The following CFAP77 variants were observed in gnomAD, a reference collection of about 807,000 sequenced individuals.
The protein encoded by CFAP77 is cilia- and flagella-associated protein 77.
Under a neutral mutation model 31.1 loss-of-function variants are expected in CFAP77, and 25 were observed. That is an observed-to-expected ratio of 0.80 (90% confidence interval 0.59 to 1.12). The LOEUF is 1.12. CFAP77 is among the 50% of genes most tolerant of loss of function. The probability of loss-of-function intolerance (pLI) is 0.00; values close to 1 mark genes in which losing one functional copy is unlikely to be tolerated. For missense variants in CFAP77, 377 were observed against 397.3 expected (o/e 0.95, Z 0.44); for synonymous variants, 151 against 159.9 (o/e 0.94, Z 0.42).
chr9:132,571,021 C>T (rs975750958), intron 5 of CFAP77, among the ~76,000 whole-genome samples: 2 of 152,280 alleles, frequency 1.3e-5, no homozygotes, highest in African/African-American at 2.4e-5. Context: ...TATCTTCCCT[C>T]TACCCCCTTT....
chr9:132,419,359 GTTGT>G (rs1338802444), intron 1 of CFAP77, among the ~76,000 whole-genome samples: 2 of 152,200 alleles, frequency 1.3e-5, no homozygotes, highest in Admixed American at 6.5e-5. Flanking sequence ...CAGGTGGCTG[GTTGT>G]TTGTAACCAA....
chr9:132,429,499 CCGCACT>C (rs1726904341), intron 1 of CFAP77, among the ~76,000 whole-genome samples: 1 of 145,006 alleles, frequency 6.9e-6, no homozygotes, highest in Admixed American at 7.0e-5. Context: ...GATCGCACCA[CCGCACT>C]CTAGCCCAGG....
intron 1 of CFAP77, among the ~76,000 whole-genome samples, chr9:132,477,437 A>G (rs1851368166): frequency 6.6e-6 from 1 of 152,184 alleles, no homozygotes; most frequent in Admixed American, 6.5e-5. Context: ...TGATGACCCA[A>G]ATTCATCAGT....
At chr9:132,531,203 G>A (rs1019017076) in intron 3 of CFAP77, among the ~76,000 whole-genome samples, 4 of 151,888 alleles carry the variant, frequency 2.6e-5, no homozygotes, top group African/African-American at 7.3e-5. Context: ...CTTCCCTCCC[G>A]CCATGTGTCC....
At chr9:132,430,293 G>A (rs1023976094) in intron 1 of CFAP77, among the ~76,000 whole-genome samples, 1 of 151,934 alleles carries the variant, frequency 6.6e-6, no homozygotes, top group Non-Finnish European at 1.5e-5. Flanking sequence ...TTGTGGGATG[G>A]GGGGAGAAAA....
At chr9:132,567,029 C>T (rs1829892788) in intron 5 of CFAP77, among the ~76,000 whole-genome samples, 1 of 152,240 alleles carries the variant, frequency 6.6e-6, no homozygotes, top group Admixed American at 6.5e-5. Context: ...AGGGAACAGG[C>T]CACGAGCAGA....
intron 5 of CFAP77, among the ~76,000 whole-genome samples, chr9:132,553,979 C>A (rs1442395072): frequency 6.6e-6 from 1 of 152,216 alleles, no homozygotes; most frequent in Non-Finnish European, 1.5e-5. Context: ...ACAGTACAAG[C>A]CACCATGTCT....
chr9:132,430,189 T>C (rs1282114071), intron 1 of CFAP77, among the ~76,000 whole-genome samples: 2 of 152,164 alleles, frequency 1.3e-5, no homozygotes, highest in African/African-American at 4.8e-5. Flanking sequence ...TTTTAAAATT[T>C]CTGGTTCTGT....
intron 1 of CFAP77, among the ~76,000 whole-genome samples, chr9:132,417,596 A>G (rs1850126587): frequency 6.6e-6 from 1 of 152,178 alleles, no homozygotes; most frequent in South Asian, 2.1e-4. Context: ...CACCCACGAG[A>G]CTATTTACCC....
chr9:132,412,622 T>TG (rs1301773536), intron 1 of CFAP77, among the ~76,000 whole-genome samples: 8 of 151,830 alleles, frequency 5.3e-5, no homozygotes, highest in African/African-American at 1.7e-4. Context: ...TTGTGCTTTT[T>TG]TTTTTTTGTT....
chr9:132,448,894 C>T (rs1316285378), intron 1 of CFAP77, among the ~76,000 whole-genome samples: 1 of 152,144 alleles, frequency 6.6e-6, no homozygotes, highest in African/African-American at 2.4e-5. Context: ...CCTGAAGCCT[C>T]TGTTTATTAT....
chr9:132,543,002 G>A lies in CFAP77; in HGVS notation c.687G>A (p.Pro229=), dbSNP rs61308567. The A allele has an allele frequency of 7.6e-3, 12,223 of 1,614,046 alleles. 799 individuals carry two copies. The African/African-American group carries it at 0.14, about 19-fold the overall frequency. The stretch of plus-strand genomic sequence containing the variant: ...GCAGTCAGCTGAGGAAGTACAAGCC[G>A]CCCGTGAAGCTGGACACCCTCTGGC... ...TRSSQLRKYK[P]PVKLDTLWHM... The change falls in exon 5 of 6, where the codon CCG becomes CCA. Residue 229 remains proline, a synonymous_variant. Coordinates refer to ENST00000393216, the MANE Select transcript of CFAP77 (RefSeq NM_001282957.2).
intron 1 of CFAP77, among the ~76,000 whole-genome samples, chr9:132,489,215 A>C (rs965849214): frequency 1.3e-5 from 2 of 152,212 alleles, no homozygotes; most frequent in African/African-American, 4.8e-5. Flanking sequence ...ATTTTGCATG[A>C]GATGTCCTAA....
Position 132,537,694 on chromosome 9 carries a change from G to C in CFAP77, c.618G>C (p.Glu206Asp). 6.2e-7 allele frequency: 1 copy of C among 1,613,102 alleles called. No homozygotes were observed. Among genetic ancestry groups the C allele is most frequent in the Non-Finnish European group, 8.5e-7 (1 of 1,179,338 alleles). ...CCACCCAGAAAGCCATCAAACTGGA[G>C]AAGAAGCAGAAGGTAAATGCAGCCC... The part of the protein sequence containing the change: ...QKATQKAIKL[E>D]KKQKVVLGKL... Residue 206 changes from glutamate to aspartate, a missense_variant, in exon 4 of 6, where the codon GAG becomes GAC. Physicochemically the swap from Glu to Asp is conservative, Grantham distance 45. Coordinates refer to ENST00000393216, the MANE Select transcript of CFAP77 (RefSeq NM_001282957.2).
intron 1 of CFAP77, among the ~76,000 whole-genome samples, chr9:132,458,348 A>AT (rs1554738864): frequency 9.6e-6 from 1 of 103,720 alleles, no homozygotes; most frequent in Non-Finnish European, 2.0e-5. Flanking sequence ...CTGGCGGGGG[A>AT]GGGGGGGGGG....
At chr9:132,550,468 G>A (rs1852805454) in intron 5 of CFAP77, among the ~76,000 whole-genome samples, 1 of 150,586 alleles carries the variant, frequency 6.6e-6, no homozygotes, top group South Asian at 2.1e-4. Context: ...AATCCCACCA[G>A]CTTGGGAAGG....
chr9:132,482,691 T>C (rs112743065), intron 1 of CFAP77, among the ~76,000 whole-genome samples: 4,255 of 151,034 alleles, frequency 0.028, 190 homozygotes, highest in African/African-American at 0.099. Flanking sequence ...CCTGTTGACA[T>C]CGAGTGGGCG....
At chr9:132,531,638 A>C in intron 3 of CFAP77, among the ~76,000 whole-genome samples, 2 of 139,474 alleles carry the variant, frequency 1.4e-5, no homozygotes, top group South Asian at 2.3e-4. Flanking sequence ...GGGGGGGGGC[A>C]TGGAAGGCAT....
intron 3 of CFAP77, among the ~76,000 whole-genome samples, chr9:132,516,084 T>C (rs1270079369): frequency 6.6e-6 from 1 of 152,200 alleles, no homozygotes; most frequent in Non-Finnish European, 1.5e-5. Context: ...ATACCTGGTC[T>C]AAAGTTGGCA....
Sources: allele counts gnomAD v4.1 joint callset (sites outside exome capture counted in the v4.1 genomes callset), GRCh38; gene constraint gnomAD v4.1.1; transcripts MANE v1.5; gene names NCBI Gene and HGNC (gene_info 2026-07-23, HGNC 2026-07-21).